The following PALM2AKAP2 variants were observed in gnomAD, a reference collection of about 807,000 sequenced individuals.
PALM2AKAP2 encodes the protein PALM2-AKAP2 fusion protein.
A neutral mutation model predicts 71.5 loss-of-function variants in PALM2AKAP2; 37 were observed. The ratio of observed to expected loss-of-function variants is 0.52; its 90% CI spans 0.40 to 0.68. PALM2AKAP2 has a LOEUF of 0.68. PALM2AKAP2 is among the 30% of genes least tolerant of loss of function. PALM2AKAP2 has a pLI of 0.00. For synonymous variants in PALM2AKAP2, 468 were observed against 478.8 expected, an observed-to-expected ratio of 0.98 and a Z score of 0.29; for missense variants, 1,224 against 1,191.8, an observed-to-expected ratio of 1.03 and a Z score of -0.40.
chr9:109,947,150 A>G (rs1831529131), intron 6 of PALM2AKAP2, among the ~76,000 whole-genome samples: 1 of 152,272 alleles, frequency 6.6e-6, no homozygotes, highest in South Asian at 2.1e-4. Flanking sequence ...AGAATTATTC[A>G]GAAGCTTTCA....
intron 1 of PALM2AKAP2, among the ~76,000 whole-genome samples, chr9:109,800,372 A>G (rs767650802): frequency 2.0e-5 from 3 of 152,240 alleles, no homozygotes; most frequent in Non-Finnish European, 2.9e-5. Flanking sequence ...AGGAATTCTT[A>G]TCACTGTTTT....
At chr9:109,710,561 C>T (rs144576608) in intron 1 of PALM2AKAP2, among the ~76,000 whole-genome samples, 30 of 152,246 alleles carry the variant, frequency 2.0e-4, no homozygotes, top group African/African-American at 6.3e-4. Context: ...ACCTGCAAGA[C>T]GGGGTGGGAA....
chr9:109,909,273 G>C (rs1021008347), intron 3 of PALM2AKAP2, among the ~76,000 whole-genome samples: 1 of 152,198 alleles, frequency 6.6e-6, no homozygotes, highest in African/African-American at 2.4e-5. Context: ...CTGCTTCAGA[G>C]AAAGCAAATA....
intron 1 of PALM2AKAP2, among the ~76,000 whole-genome samples, chr9:109,840,754 G>C (rs573782397): frequency 1.3e-5 from 2 of 152,286 alleles, no homozygotes; most frequent in South Asian, 4.1e-4. Flanking sequence ...GCAGCCAAAA[G>C]ACACATGAAA....
At chr9:109,785,397 G>A (rs912410005) in intron 1 of PALM2AKAP2, among the ~76,000 whole-genome samples, 10 of 152,182 alleles carry the variant, frequency 6.6e-5, no homozygotes, top group African/African-American at 2.2e-4. Flanking sequence ...AGCTATCCAA[G>A]CTTACACAGA....
chr9:109,918,014 A>G (rs555989460), intron 3 of PALM2AKAP2, among the ~76,000 whole-genome samples: 1 of 152,324 alleles, frequency 6.6e-6, no homozygotes, highest in East Asian at 1.9e-4. Context: ...CGTCCCCACC[A>G]CACACTCCCA....
chr9:110,035,243 T>C (rs908938781), intron 7 of PALM2AKAP2, among the ~76,000 whole-genome samples: 5 of 135,918 alleles, frequency 3.7e-5, no homozygotes, highest in African/African-American at 1.1e-4. Flanking sequence ...ATATAATATA[T>C]AATTATATTA....
chr9:110,142,632 T>G (rs974637329), intron 2 of PALM2AKAP2, among the ~76,000 whole-genome samples: 22 of 152,110 alleles, frequency 1.4e-4, no homozygotes, highest in Admixed American at 1.4e-3. Flanking sequence ...CCTTAGGAAA[T>G]TACTGTCTAA....
intron 1 of PALM2AKAP2, among the ~76,000 whole-genome samples, chr9:109,664,389 G>C (rs1827446389): frequency 6.6e-6 from 1 of 152,178 alleles, no homozygotes; most frequent in East Asian, 1.9e-4. Flanking sequence ...GCCTGGTGGT[G>C]ACAAAATCTC....
intron 1 of PALM2AKAP2, among the ~76,000 whole-genome samples, chr9:109,851,857 G>A (rs1189103936): frequency 6.6e-6 from 1 of 152,126 alleles, no homozygotes; most frequent in Non-Finnish European, 1.5e-5. Context: ...AAAGGACTAA[G>A]TACTTTAACT....
At chr9:110,027,821 T>C (rs1029547590) in intron 7 of PALM2AKAP2, among the ~76,000 whole-genome samples, 3 of 152,222 alleles carry the variant, frequency 2.0e-5, no homozygotes, top group Admixed American at 2.0e-4. Context: ...TAAAAAAACA[T>C]TCTGCTGAAG....
At chr9:109,699,072 T>C (rs1207999424) in intron 1 of PALM2AKAP2, among the ~76,000 whole-genome samples, 3 of 152,228 alleles carry the variant, frequency 2.0e-5, no homozygotes, top group African/African-American at 7.2e-5. Context: ...ACATAGGACA[T>C]TTTTATGGGC....
chr9:110,125,303 C>T (rs1486040299), intron 1 of PALM2AKAP2, among the ~76,000 whole-genome samples: 1 of 152,224 alleles, frequency 6.6e-6, no homozygotes, highest in Non-Finnish European at 1.5e-5. Flanking sequence ...GCTCCTGCCT[C>T]CCTGCTCAGC....
intron 1 of PALM2AKAP2, among the ~76,000 whole-genome samples, chr9:110,132,999 G>A (rs1329882412): frequency 6.6e-6 from 1 of 152,152 alleles, no homozygotes; most frequent in African/African-American, 2.4e-5. Flanking sequence ...CAAAGATAAT[G>A]GCAGTTTTGT....
chr9:110,106,670 A>G (rs1835128362), intron 1 of PALM2AKAP2, among the ~76,000 whole-genome samples: 3 of 152,176 alleles, frequency 2.0e-5, no homozygotes, highest in Non-Finnish European at 4.4e-5. Context: ...GGTTAGGAAA[A>G]GCAGAGAATG....
chr9:110,059,848 T>C (rs1833923858), intron 1 of PALM2AKAP2, among the ~76,000 whole-genome samples: 1 of 152,278 alleles, frequency 6.6e-6, no homozygotes, highest in Middle Eastern at 3.4e-3. Context: ...GAGAGCAGTG[T>C]CTATGGAGGA....
rs1276249578 is a variant in PALM2AKAP2, at chr9:110,048,704, G to T, written c.5G>T (p.Arg2Leu). The change falls in exon 1 of 4, where the codon CGC (arginine) becomes CTC (leucine). Residue 2 changes from arginine to leucine, a missense_variant. Coordinates refer to ENST00000374525, the Ensembl canonical transcript of PALM2AKAP2. ...GGAGGCTACCACTCCCTGCAGATGC[G>T]CTGGCCCCAGCCCGGGGCTGCCGCT... 4.5e-6 allele frequency: 7 copies of T among 1,545,206 alleles called. No homozygotes were observed. The East Asian group carries it at 1.7e-4, about 38-fold the overall frequency.
chr9:110,104,856 ATTCT>A (rs1314124620), intron 1 of PALM2AKAP2, among the ~76,000 whole-genome samples: 1 of 152,232 alleles, frequency 6.6e-6, no homozygotes, highest in Non-Finnish European at 1.5e-5. Context: ...CAAAGCATTC[ATTCT>A]ATCTTCCTGG....
chr9:110,152,897 T>C (rs1006458546), intron 2 of PALM2AKAP2, among the ~76,000 whole-genome samples: 1 of 152,160 alleles, frequency 6.6e-6, no homozygotes, highest in Admixed American at 6.5e-5. Context: ...CTTCCCTTGA[T>C]ACTGACCAGA....
Sources: gnomAD v4.1 joint callset for allele counts (sites outside exome capture counted in the v4.1 genomes callset) on GRCh38, gnomAD v4.1.1 for gene constraint, MANE v1.5 for transcripts, NCBI Gene and HGNC (gene_info 2026-07-23, HGNC 2026-07-21) for gene names.